Variants in SNRPN observed in about 807,000 individuals in gnomAD.
The protein encoded by SNRPN is small nuclear ribonucleoprotein-associated protein N.
A neutral mutation model predicts 25.2 loss-of-function variants in SNRPN; 7 were observed. The observed-to-expected ratio is 0.28, with a 90% CI of 0.16 to 0.52. SNRPN has a LOEUF of 0.52. Ranked by LOEUF, SNRPN falls within the 20% of genes least tolerant of loss-of-function variation. SNRPN has a pLI of 0.96. For synonymous variants in SNRPN, 124 were observed against 110.6 expected, an observed-to-expected ratio of 1.12 and a Z score of -0.76; for missense variants, 196 against 322.5, an observed-to-expected ratio of 0.61 and a Z score of 3.00.
At chr15:24,852,841 G>C (rs1206617419), upstream of SNRPN, among the ~76,000 whole-genome samples, 1 of 152,154 alleles carries the variant, frequency 6.6e-6, no homozygotes, top group African/African-American at 2.4e-5. Flanking sequence ...TGGGAGGATT[G>C]GGAGGGTGGC....
chr15:24,976,323 A>C lies in SNRPN; in HGVS notation c.174A>C (p.Gln58His). Reference protein sequence around the residue: ...FRKIKPKNAKQPEREEKRVLG... With the variant: ...FRKIKPKNAKHPEREEKRVLG... ...TTTGTAGGCCAAAGAATGCGAAGCA[A>C]CCAGAGCGTGAAGAAAAGCGGGTTT... The change falls in exon 6 of 10, where the codon CAA becomes CAC. Residue 58 changes from glutamine (Q) to histidine (H), a missense_variant. Gln to His is a conservative substitution (Grantham distance 24, BLOSUM62 0). Transcript: ENST00000390687. 6.2e-7 allele frequency: 1 copy of C among 1,613,782 alleles called. No individual in the cohort carries two copies. Among genetic ancestry groups the C allele is most frequent in the Non-Finnish European group, 8.5e-7 (1 of 1,179,926 alleles).
chr15:24,895,985 ATAATAT>A (rs1225616599), intron 2 of SNRPN, among the ~76,000 whole-genome samples: 1 of 152,270 alleles, frequency 6.6e-6, no homozygotes, highest in Non-Finnish European at 1.5e-5. Context: ...ACCTTAAGAC[ATAATAT>A]TAATAATAAT....
intron 2 of SNRPN, among the ~76,000 whole-genome samples, chr15:24,910,478 A>G (rs993454806): frequency 3.9e-5 from 6 of 152,094 alleles, no homozygotes; most frequent in Non-Finnish European, 7.4e-5. Flanking sequence ...CCATCTCAAA[A>G]AAAAATGCTA....
intron 2 of SNRPN, among the ~76,000 whole-genome samples, chr15:24,899,324 T>C (rs2058293958): frequency 6.6e-6 from 1 of 152,258 alleles, no homozygotes; most frequent in African/African-American, 2.4e-5. Flanking sequence ...TGCCAATTAA[T>C]AAGCTGTTGC....
intron 1 of SNRPN, among the ~76,000 whole-genome samples, chr15:24,881,693 C>A (rs1304071893): frequency 1.3e-5 from 2 of 151,572 alleles, no homozygotes; most frequent in Non-Finnish European, 2.9e-5. Flanking sequence ...TAGGCCTGAG[C>A]ATTTAAAAAT....
At chr15:24,892,890 G>A (rs1384346627) in intron 2 of SNRPN, among the ~76,000 whole-genome samples, 1 of 151,904 alleles carries the variant, frequency 6.6e-6, no homozygotes, top group African/African-American at 2.4e-5. Flanking sequence ...GGATCAAAAG[G>A]AGAGAACAGA....
chr15:24,940,134 T>C (rs1197997528), intron 3 of SNRPN, among the ~76,000 whole-genome samples: 1 of 152,192 alleles, frequency 6.6e-6, no homozygotes, highest in Non-Finnish European at 1.5e-5. Context: ...TTATCAAATA[T>C]ATGATTTGCA....
chr15:24,971,804 A>G (rs963857629), intron 3 of SNRPN, among the ~76,000 whole-genome samples: 39 of 152,212 alleles, frequency 2.6e-4, no homozygotes, highest in African/African-American at 9.2e-4. Flanking sequence ...GCATGAAGCA[A>G]TGATTTAAGT....
intron 2 of SNRPN, among the ~76,000 whole-genome samples, chr15:24,832,238 T>C (rs189532757): frequency 6.7e-6 from 1 of 148,654 alleles, no homozygotes; most frequent in East Asian, 1.9e-4. Flanking sequence ...CAATTGTCTA[T>C]GTATGTCTTC....
rs1299952105 is a variant in SNRPN at position 24,954,990 on chromosome 15, G to C, written c.-463G>C. 7 of 1,609,274 alleles carry C rather than the reference G, an allele frequency of 4.3e-6. No individual in the cohort carries two copies. The highest frequency in any genetic ancestry group is 5.9e-6 in the Non-Finnish European group (7 of 1,178,884). The stretch of plus-strand genomic sequence containing the variant: ...CCGCTGCTGCAGCGAGTCTGGCGCA[G>C]AGTGGAGCGGCCGCCGGAGATGCCT... On this transcript the variant is annotated 5_prime_UTR_variant, in exon 1 of 10. Coordinates refer to ENST00000390687, the MANE Select transcript of SNRPN (RefSeq NM_003097.6).
At chr15:24,846,757 G>A (rs2052236160) in intron 2 of SNRPN, among the ~76,000 whole-genome samples, 1 of 152,152 alleles carries the variant, frequency 6.6e-6, no homozygotes, top group South Asian at 2.1e-4. Context: ...ATCTATGTCA[G>A]GGCTAGATTT....
intron 1 of SNRPN, among the ~76,000 whole-genome samples, chr15:24,886,192 G>A (rs903421442): frequency 2.0e-5 from 3 of 152,072 alleles, no homozygotes; most frequent in African/African-American, 7.2e-5. Context: ...TATCTTATCA[G>A]GTTCCTCATC....
rs192370007 is a variant in SNRPN, at chr15:24,918,659, T to C, written c.-504-1352T>C. On this transcript the variant is annotated intron_variant, in intron 2 of 11. Coordinates refer to the SNRPN transcript ENST00000400097. ...CATAATATATATGTGTGCATATATA[T>C]AACATAATATATATGTGTGCATATA... is the stretch of plus-strand genomic sequence containing the variant. 1.5e-3 allele frequency among the ~76,000 whole-genome samples: 167 copies of C among 108,858 alleles called. 24 individuals carry two copies. The highest frequency in any genetic ancestry group is 5.9e-3 in the African/African-American group (164 of 27,844). The allele number at this position is 108,858 out of a possible 152,430, so 71.4% of individuals were successfully genotyped here.
intron 3 of SNRPN, among the ~76,000 whole-genome samples, chr15:24,970,315 C>T (rs1048126736): frequency 3.3e-5 from 5 of 152,160 alleles, no homozygotes; most frequent in African/African-American, 1.2e-4. Context: ...TGTGGTGGCT[C>T]ACGCCTGTCA....
intron 2 of SNRPN, among the ~76,000 whole-genome samples, chr15:24,903,906 C>T (rs139941415): frequency 7.2e-4 from 110 of 152,030 alleles, no homozygotes; most frequent in Middle Eastern, 3.4e-3. Context: ...TGGTGGTGCA[C>T]GCCTGTGGTC....
intron 3 of SNRPN, among the ~76,000 whole-genome samples, chr15:24,927,520 C>CTTTTTTTTTTTTT (rs2060497188): frequency 5.3e-4 from 39 of 73,704 alleles, no homozygotes; most frequent in East Asian, 1.4e-3. Context: ...TTTTTTTTTA[C>CTTTTTTTTTTTTT]TTTTGACCAC....
intron 3 of SNRPN, among the ~76,000 whole-genome samples, chr15:24,925,975 C>A (rs532214802): frequency 6.6e-6 from 1 of 152,128 alleles, no homozygotes; most frequent in Non-Finnish European, 1.5e-5. Flanking sequence ...ACCTTGTGAT[C>A]CGCCCGCCTC....
chr15:24,878,447 G>A (rs1023593821), intron 1 of SNRPN, among the ~76,000 whole-genome samples: 2 of 152,240 alleles, frequency 1.3e-5, no homozygotes, highest in Admixed American at 6.5e-5. Context: ...AGGCGGAATT[G>A]GGGCGCCTTT....
chr15:24,894,654 A>C, intron 2 of SNRPN, among the ~76,000 whole-genome samples: 1 of 152,158 alleles, frequency 6.6e-6, no homozygotes, highest in East Asian at 1.9e-4. Flanking sequence ...AATTTTTATA[A>C]TTTTTTTCCT....
Sources: gnomAD v4.1 joint callset for allele counts (sites outside exome capture counted in the v4.1 genomes callset) on GRCh38, gnomAD v4.1.1 for gene constraint, MANE v1.5 for transcripts, NCBI Gene and HGNC (gene_info 2026-07-23, HGNC 2026-07-21) for gene names.